CCDC192: variants seen among roughly 807,000 people sequenced by gnomAD.
CCDC192 encodes coiled-coil domain-containing protein 192.
At chr5:127,919,103 G>A (rs1561551776) in intron 6 of CCDC192, among the ~76,000 whole-genome samples, 2 of 150,578 alleles carry the variant, frequency 1.3e-5, no homozygotes, top group African/African-American at 4.9e-5. Flanking sequence ...GTGTGTGTGT[G>A]TACCTATGCA....
intron 3 of CCDC192, among the ~76,000 whole-genome samples, chr5:127,787,690 A>G (rs1314122769): frequency 6.6e-6 from 1 of 152,172 alleles, no homozygotes; most frequent in African/African-American, 2.4e-5. Context: ...ACTTGAAAAA[A>G]TGTATATTTT....
At chr5:127,930,385 A>G (rs866362661) in intron 6 of CCDC192, among the ~76,000 whole-genome samples, 4 of 152,086 alleles carry the variant, frequency 2.6e-5, no homozygotes, top group African/African-American at 7.2e-5. Flanking sequence ...CATTCATTCA[A>G]TCTCATGGAC....
intron 2 of CCDC192, among the ~76,000 whole-genome samples, chr5:127,737,138 C>T (rs924639956): frequency 3.3e-5 from 5 of 151,554 alleles, no homozygotes; most frequent in African/African-American, 1.2e-4. Flanking sequence ...TGTCTTTGTT[C>T]TCGTTGGTTT....
chr5:127,754,231 T>C (rs1754427671), intron 2 of CCDC192, 37 bp from the exon 3 acceptor site: 1 of 398,068 alleles, frequency 2.5e-6, no homozygotes. Context: ...AAACTATCCA[T>C]GTCAAAAAGT....
chr5:127,791,631 C>G (rs1253628528), intron 3 of CCDC192, among the ~76,000 whole-genome samples: 7 of 152,118 alleles, frequency 4.6e-5, no homozygotes. Context: ...ACTTCAGTAA[C>G]CATACATGAT....
intron 2 of CCDC192, among the ~76,000 whole-genome samples, chr5:127,729,309 C>T (rs1752506522): frequency 6.6e-6 from 1 of 152,170 alleles, no homozygotes; most frequent in Admixed American, 6.5e-5. Context: ...ACAACAAGAG[C>T]TAACTATCCT....
intron 3 of CCDC192, among the ~76,000 whole-genome samples, chr5:127,787,976 G>T (rs891178130): frequency 6.7e-6 from 1 of 150,352 alleles, no homozygotes; most frequent in Non-Finnish European, 1.5e-5. Flanking sequence ...CAGCTACTTG[G>T]AAGGCTGAGG....
intron 2 of CCDC192, among the ~76,000 whole-genome samples, chr5:127,728,365 G>A (rs893034794): frequency 6.6e-6 from 1 of 152,200 alleles, no homozygotes. Flanking sequence ...AACCTTACAA[G>A]CCAGAAAAGA....
intron 5 of CCDC192, among the ~76,000 whole-genome samples, chr5:127,815,829 T>C (rs1181309055): frequency 6.6e-6 from 1 of 151,346 alleles, no homozygotes; most frequent in African/African-American, 2.4e-5. Flanking sequence ...GGTTGCACCA[T>C]TGCACTCCAG....
intron 2 of CCDC192, among the ~76,000 whole-genome samples, chr5:127,716,009 A>G (rs909542878): frequency 2.6e-5 from 4 of 152,152 alleles, no homozygotes; most frequent in African/African-American, 9.7e-5. Context: ...TCCATTCAGT[A>G]TATTAGATAT....
chr5:127,821,599 G>A (rs1399506911), intron 5 of CCDC192, among the ~76,000 whole-genome samples: 2 of 152,176 alleles, frequency 1.3e-5, no homozygotes, highest in Non-Finnish European at 2.9e-5. Context: ...TTGAAGCTAA[G>A]AGTTTGCCCA....
chr5:127,753,602 C>G (rs940471894), intron 2 of CCDC192, among the ~76,000 whole-genome samples: 14 of 151,384 alleles, frequency 9.2e-5, no homozygotes, highest in African/African-American at 3.2e-4. Flanking sequence ...ACAGGAGAAT[C>G]GCTTGAACCC....
At chr5:127,788,362 A>C (rs1756680933) in intron 3 of CCDC192, among the ~76,000 whole-genome samples, 3 of 152,182 alleles carry the variant, frequency 2.0e-5, no homozygotes, top group Admixed American at 2.0e-4. Context: ...GCTACAATTC[A>C]CATGCAACAT....
intron 6 of CCDC192, among the ~76,000 whole-genome samples, chr5:127,898,140 C>T (rs2127163405): frequency 6.6e-6 from 1 of 151,404 alleles, no homozygotes; most frequent in Non-Finnish European, 1.5e-5. Context: ...CGGAGTTTTA[C>T]TCTTGTTGCC....
intron 6 of CCDC192, among the ~76,000 whole-genome samples, chr5:127,880,642 A>T (rs933516847): frequency 1.3e-5 from 2 of 152,012 alleles, no homozygotes; most frequent in African/African-American, 2.4e-5. Context: ...AATTAAAAAA[A>T]AAACAAAACA....
intron 6 of CCDC192, among the ~76,000 whole-genome samples, chr5:127,919,877 A>G (rs143923668): frequency 6.6e-6 from 1 of 152,270 alleles, no homozygotes; most frequent in Non-Finnish European, 1.5e-5. Flanking sequence ...TAGATGCACT[A>G]TTTTGACAGA....
chr5:127,786,344 AAAAG>A, intron 3 of CCDC192: 1 of 632,882 alleles, frequency 1.6e-6, no homozygotes, highest in Non-Finnish European at 2.9e-6. Context: ...ACAGAAAAAA[AAAAG>A]AGAGAGATTC....
At chr5:127,702,438 T>C (rs1000598486), upstream of CCDC192, among the ~76,000 whole-genome samples, 4 of 152,224 alleles carry the variant, frequency 2.6e-5, no homozygotes, top group Non-Finnish European at 4.4e-5. Flanking sequence ...CTTAATTTTA[T>C]TCATAGGGTT....
chr5:127,928,878 G>T lies in CCDC192; in HGVS notation c.536-12304G>T, dbSNP rs549152877. ...CCTCCCAGCTTCAAGCAATTCTCCT[G>T]CCTCAGCCTCCTGAGTAGCTGGGAC... On this transcript the variant is annotated intron_variant, in intron 6 of 6. Coordinates refer to ENST00000514853, the MANE Select transcript of CCDC192 (RefSeq NM_001317938.2). Among the ~76,000 whole-genome samples the T allele has an allele frequency of 2.1e-4, 32 of 151,962 alleles. No homozygotes were observed. In the East Asian group the frequency reaches 6.0e-3, roughly 29 times the overall value.
Sources: gnomAD v4.1 joint callset for allele counts (sites outside exome capture counted in the v4.1 genomes callset) on GRCh38, gnomAD v4.1.1 for gene constraint, MANE v1.5 for transcripts, NCBI Gene and HGNC (gene_info 2026-07-23, HGNC 2026-07-21) for gene names.